The following TMEM156 variants were observed in gnomAD, a reference collection of about 807,000 sequenced individuals.
TMEM156 encodes transmembrane protein 156.
In TMEM156, 28 loss-of-function variants were observed where a neutral mutation model predicts 30.5. The ratio of observed to expected loss-of-function variants is 0.92; its 90% CI spans 0.68 to 1.26. TMEM156 has a LOEUF of 1.26. Among genes scored for constraint, TMEM156 ranks in the 50% most tolerant of loss-of-function variants. The pLI is 0.00. For missense variants in TMEM156, 351 were observed against 340.6 expected (o/e 1.03, Z -0.24); for synonymous variants, 137 against 119.9 (o/e 1.14, Z -0.93).
chr4:38,994,150 G>C (rs1252041986), intron 2 of TMEM156, 152 bp from the exon 3 acceptor site: 6 of 727,152 alleles, frequency 8.3e-6, no homozygotes, highest in Non-Finnish European at 8.8e-6. Context: ...TTTGAGACAG[G>C]GTCTCACTCC....
intron 1 of TMEM156, among the ~76,000 whole-genome samples, chr4:39,004,533 T>C (rs1320477781): frequency 1.3e-5 from 2 of 152,100 alleles, no homozygotes; most frequent in Admixed American, 1.3e-4. Context: ...ACCCCTACAC[T>C]ATAGCATAGT....
intron 5 of TMEM156, among the ~76,000 whole-genome samples, chr4:38,975,455 T>G (rs1412755756): frequency 6.7e-6 from 1 of 149,836 alleles, no homozygotes; most frequent in African/African-American, 2.5e-5. Context: ...CAATCTCGGC[T>G]CACCGCAACC....
chr4:38,992,717 TATATATAATATATATATAATATATA>T (rs1712591720), intron 3 of TMEM156, among the ~76,000 whole-genome samples: 1 of 43,454 alleles, frequency 2.3e-5, no homozygotes, highest in African/African-American at 6.8e-5. Context: ...ATATATTATA[TATATATAATATATATATAATATATA>T]ATATATTATA....
At chr4:38,969,147 C>T (rs1560351048) in intron 6 of TMEM156, among the ~76,000 whole-genome samples, 1 of 152,220 alleles carries the variant, frequency 6.6e-6, no homozygotes, top group East Asian at 1.9e-4. Flanking sequence ...TGCTTTCACA[C>T]ATTCAATGTA....
chr4:38,987,824 CT>C (rs1315825541), intron 4 of TMEM156, among the ~76,000 whole-genome samples: 1 of 152,172 alleles, frequency 6.6e-6, no homozygotes, highest in African/African-American at 2.4e-5. Flanking sequence ...AGTGGTAGTA[CT>C]AGGACTCTAA....
At chr4:39,011,297 T>A (rs1217184000) in intron 1 of TMEM156, among the ~76,000 whole-genome samples, 1 of 152,192 alleles carries the variant, frequency 6.6e-6, no homozygotes, top group Non-Finnish European at 1.5e-5. Flanking sequence ...ATGCTGTTAG[T>A]GGAAATACAA....
At chr4:38,976,272 A>G (rs953883348) in intron 5 of TMEM156, among the ~76,000 whole-genome samples, 4 of 143,594 alleles carry the variant, frequency 2.8e-5, no homozygotes, top group East Asian at 2.1e-4. Context: ...GCCTGGTGAC[A>G]GAGCTAGACT....
intron 5 of TMEM156, among the ~76,000 whole-genome samples, chr4:38,975,358 A>AT (rs935216158): frequency 7.8e-5 from 11 of 141,482 alleles, no homozygotes; most frequent in East Asian, 2.1e-4. Flanking sequence ...GCAGTCTGTG[A>AT]TTTTTTTTCT....
At chr4:39,007,087 T>C (rs756501884) in intron 1 of TMEM156, among the ~76,000 whole-genome samples, 19 of 152,242 alleles carry the variant, frequency 1.2e-4, no homozygotes, top group Admixed American at 3.9e-4. Context: ...ATGACACCTC[T>C]GTCATATAAA....
At chr4:39,003,975 T>C (rs1713556248) in intron 1 of TMEM156, among the ~76,000 whole-genome samples, 1 of 152,168 alleles carries the variant, frequency 6.6e-6, no homozygotes, top group African/African-American at 2.4e-5. Flanking sequence ...GGTAATTTCG[T>C]GATGACTTTT....
chr4:39,001,142 G>A (rs1021107676), intron 1 of TMEM156, among the ~76,000 whole-genome samples: 11 of 150,780 alleles, frequency 7.3e-5, no homozygotes, highest in African/African-American at 2.0e-4. Flanking sequence ...AGGCTGAGGC[G>A]GGTGGATCAC....
chr4:39,032,390 G>A lies in TMEM156; in HGVS notation c.-77C>T. 1.2e-6 allele frequency: 1 copy of A among 857,774 alleles called. No homozygotes were observed. The highest frequency in any genetic ancestry group is 1.5e-5 in the South Asian group (1 of 66,450). The allele number at this position is 857,774 out of a possible 1,614,324, so 53.1% of individuals were successfully genotyped here. On this transcript the variant is annotated 5_prime_UTR_variant, in exon 1 of 7. Coordinates refer to ENST00000381938, the MANE Select transcript of TMEM156 (RefSeq NM_024943.3). Reference sequence around the variant, plus strand: ...TGCTTCCTGCTTTAAGTTTATCTCTGCAGCACTTTAGGTTAATGCAGTTCA... The same window carrying A: ...TGCTTCCTGCTTTAAGTTTATCTCTACAGCACTTTAGGTTAATGCAGTTCA...
intron 5 of TMEM156, among the ~76,000 whole-genome samples, chr4:38,975,141 T>C (rs574639197): frequency 1.8e-4 from 28 of 152,182 alleles, no homozygotes; most frequent in African/African-American, 6.7e-4. Context: ...ATGACAAAAC[T>C]TCCTTTGACT....
Position 38,998,641 on chromosome 4 carries a change from T to A in TMEM156, c.357A>T (p.Lys119Asn). ...TTCTCACCTTCACTTTGTGTTTACCTTTTGATGTTTGTTCCTGAGAAATAA... is the reference window on the plus strand; with the variant it reads ...TTCTCACCTTCACTTTGTGTTTACCATTTGATGTTTGTTCCTGAGAAATAA... ...MDFISQEQTS[K>N]VLIRRGSMEV... is the part of the protein sequence containing the mutation. The change falls in exon 2 of 7, where the codon AAA becomes AAT. Residue 119 changes from lysine to asparagine, a missense_variant and splice_region_variant. Lys to Asn is a moderately conservative substitution (Grantham distance 94). Coordinates refer to ENST00000381938, the MANE Select transcript of TMEM156 (RefSeq NM_024943.3). 6.2e-7 allele frequency: 1 copy of A among 1,608,714 alleles called. No homozygotes were observed. Among genetic ancestry groups the A allele is most frequent in the Non-Finnish European group, 8.5e-7 (1 of 1,176,934 alleles).
chr4:39,027,196 A>G (rs949217961), intron 1 of TMEM156, among the ~76,000 whole-genome samples: 1 of 152,206 alleles, frequency 6.6e-6, no homozygotes, highest in African/African-American at 2.4e-5. Flanking sequence ...ATAAGGCCTT[A>G]TTGGGGATTA....
At position 38,971,216 on chromosome 4, in the gene TMEM156, G is replaced by A; in HGVS notation, c.824-79C>T. 5 of 1,361,056 alleles carry A rather than the reference G, an allele frequency of 3.7e-6. No individual in the cohort carries two copies. In the South Asian group the frequency reaches 6.1e-5, roughly 17 times the overall value. 84.3% of individuals were successfully genotyped at this position (1,361,056 alleles called of 1,614,324 possible). A position where few individuals can be genotyped will look rare whatever the true frequency, so the allele number is the denominator to read the frequency against. On this transcript the variant is annotated intron_variant, in intron 5 of 6. Transcript: ENST00000381938. ...ACAGGCTTATTCTAATGTAGTAAGA[G>A]TAGCAAGAGAAGCATGCTCTACCTC...
chr4:39,029,319 T>C (rs956879639), intron 1 of TMEM156, among the ~76,000 whole-genome samples: 7 of 152,208 alleles, frequency 4.6e-5, no homozygotes, highest in African/African-American at 1.7e-4. Flanking sequence ...GGAGTAAGAC[T>C]AGGCAGGGGA....
chr4:38,993,866 T>C lies in TMEM156; in HGVS notation c.491A>G (p.His164Arg), dbSNP rs111613846. 15 of 1,614,028 alleles carry C rather than the reference T, an allele frequency of 9.3e-6. 1 individual carries two copies. The highest frequency in any genetic ancestry group is 8.0e-5 in the African/African-American group (6 of 74,934). ...CTCCATGATTGTTGATCTTCCAGTG[T>C]GGTTTTTTAGATGACAGGTAGTGTT... Reference protein sequence around the residue: ...EYNTTCHLKNHTGRSTIMEDE... With the variant: ...EYNTTCHLKNRTGRSTIMEDE... The change falls in exon 3 of 7, where the codon CAC (histidine) becomes CGC (arginine). Residue 164 changes from histidine (H) to arginine (R), a missense_variant. Coordinates refer to ENST00000381938, the MANE Select transcript of TMEM156 (RefSeq NM_024943.3).
intron 1 of TMEM156, among the ~76,000 whole-genome samples, chr4:39,029,201 G>A (rs944811398): frequency 1.2e-4 from 18 of 151,912 alleles, no homozygotes; most frequent in Admixed American, 1.0e-3. Flanking sequence ...GTTAAAGACA[G>A]GGTATCAGTG....
Sources: gnomAD v4.1 joint callset for allele counts (sites outside exome capture counted in the v4.1 genomes callset) on GRCh38, gnomAD v4.1.1 for gene constraint, MANE v1.5 for transcripts, NCBI Gene and HGNC (gene_info 2026-07-23, HGNC 2026-07-21) for gene names.